GPC6: variants seen among roughly 807,000 people sequenced by gnomAD.
GPC6 encodes glypican 6.
Under a neutral mutation model 55.2 loss-of-function variants are expected in GPC6, and 14 were observed. That is an observed-to-expected ratio of 0.25 (90% CI 0.17 to 0.40). The LOEUF is 0.40. Among genes scored for constraint, GPC6 ranks in the 10% least tolerant of loss-of-function variants. The pLI, the probability that GPC6 is intolerant of heterozygous loss-of-function variation, is 1.00. For missense variants in GPC6, 641 were observed against 708.5 expected (o/e 0.90, Z 1.08); for synonymous variants, 278 against 259.6 (o/e 1.07, Z -0.68).
At chr13:93,993,310 T>G (rs1881394944) in intron 3 of GPC6, among the ~76,000 whole-genome samples, 1 of 151,098 alleles carries the variant, frequency 6.6e-6, no homozygotes, top group Non-Finnish European at 1.5e-5. Flanking sequence ...TTTTTTTTTT[T>G]GAAATGGAGT....
intron 2 of GPC6, among the ~76,000 whole-genome samples, chr13:93,617,061 C>A (rs150735671): frequency 2.8e-4 from 43 of 151,988 alleles, no homozygotes; most frequent in African/African-American, 8.7e-4. Flanking sequence ...GAAAGGCATG[C>A]CAGAATTAAA....
chr13:93,687,277 A>AT (rs1430486317), intron 2 of GPC6, among the ~76,000 whole-genome samples: 61 of 152,228 alleles, frequency 4.0e-4, no homozygotes, highest in African/African-American at 1.4e-3. Context: ...TGAAGCCTTT[A>AT]TCCTATATTC....
intron 1 of GPC6, among the ~76,000 whole-genome samples, chr13:93,297,582 G>A (rs1420811269): frequency 6.6e-6 from 1 of 152,136 alleles, no homozygotes; most frequent in Non-Finnish European, 1.5e-5. Context: ...AGTGAGTAGT[G>A]AGTGCACCAC....
At chr13:93,784,405 CAG>C (rs1885759055) in intron 2 of GPC6, among the ~76,000 whole-genome samples, 1 of 152,120 alleles carries the variant, frequency 6.6e-6, no homozygotes, top group Non-Finnish European at 1.5e-5. Context: ...CCTGAGCAAA[CAG>C]AGATGTAGGG....
intron 1 of GPC6, among the ~76,000 whole-genome samples, chr13:93,291,693 A>G (rs1030888537): frequency 2.0e-5 from 3 of 152,090 alleles, no homozygotes; most frequent in African/African-American, 7.2e-5. Context: ...TATAATTCCT[A>G]TAGCAATCAT....
At chr13:93,243,508 A>G (rs1257514130) in intron 1 of GPC6, among the ~76,000 whole-genome samples, 1 of 152,148 alleles carries the variant, frequency 6.6e-6, no homozygotes, top group East Asian at 1.9e-4. Flanking sequence ...GACAAGTGAT[A>G]TGGGTGGAGC....
intron 4 of GPC6, among the ~76,000 whole-genome samples, chr13:94,096,130 G>T (rs919859798): frequency 1.3e-5 from 2 of 152,212 alleles, no homozygotes; most frequent in East Asian, 3.9e-4. Flanking sequence ...AGTTTTAATA[G>T]AACAGAAATG....
intron 2 of GPC6, among the ~76,000 whole-genome samples, chr13:93,711,501 T>C (rs1187261396): frequency 6.6e-6 from 1 of 151,724 alleles, no homozygotes; most frequent in Non-Finnish European, 1.5e-5. Flanking sequence ...AGCCAAACCA[T>C]AGCACATTCA....
At chr13:93,763,047 A>G (rs999988752) in intron 2 of GPC6, among the ~76,000 whole-genome samples, 3 of 152,230 alleles carry the variant, frequency 2.0e-5, no homozygotes, top group African/African-American at 7.2e-5. Flanking sequence ...CTTGACTGGA[A>G]CTAAGACAGT....
intron 7 of GPC6, among the ~76,000 whole-genome samples, chr13:94,391,459 G>A (rs1386063438): frequency 6.6e-6 from 1 of 152,086 alleles, no homozygotes; most frequent in Admixed American, 6.6e-5. Flanking sequence ...AAGTCCCCTA[G>A]TGCCTCAGAC....
intron 4 of GPC6, among the ~76,000 whole-genome samples, chr13:94,282,461 TA>T (rs1231402461): frequency 2.6e-5 from 4 of 152,164 alleles, no homozygotes; most frequent in Admixed American, 2.0e-4. Flanking sequence ...TATCTCCCAC[TA>T]GGTCTCTCCC....
chr13:93,622,517 G>A (rs1594318846), intron 2 of GPC6, among the ~76,000 whole-genome samples: 1 of 112,372 alleles, frequency 8.9e-6, no homozygotes, highest in Admixed American at 8.7e-5. Context: ...CACCCACACA[G>A]ACTTTTCCTC....
intron 4 of GPC6, among the ~76,000 whole-genome samples, chr13:94,212,305 A>C (rs1227785318): frequency 6.6e-6 from 1 of 152,214 alleles, no homozygotes; most frequent in Admixed American, 6.5e-5. Flanking sequence ...CAGCTAAAGC[A>C]ATCAACCCCT....
At chr13:94,113,862 A>C (rs1368897847) in intron 4 of GPC6, among the ~76,000 whole-genome samples, 1 of 151,736 alleles carries the variant, frequency 6.6e-6, no homozygotes, top group Non-Finnish European at 1.5e-5. Flanking sequence ...CTCTACTAAA[A>C]AATACAAAAA....
intron 4 of GPC6, among the ~76,000 whole-genome samples, chr13:94,274,793 A>G (rs1202668221): frequency 1.3e-5 from 2 of 152,070 alleles, no homozygotes; most frequent in East Asian, 3.9e-4. Context: ...CTCTGACAGA[A>G]GCAAAAGCAG....
chr13:94,222,507 G>T (rs1442605086), intron 4 of GPC6, among the ~76,000 whole-genome samples: 1 of 152,008 alleles, frequency 6.6e-6, no homozygotes, highest in East Asian at 1.9e-4. Flanking sequence ...CTCTAGTGGG[G>T]TATTCTAATT....
At chr13:94,217,546 T>C (rs989590691) in intron 4 of GPC6, among the ~76,000 whole-genome samples, 9 of 152,142 alleles carry the variant, frequency 5.9e-5, no homozygotes, top group Non-Finnish European at 1.0e-4. Context: ...CCAGCGACAG[T>C]TGGGTGATGT....
chr13:93,565,766 A>T (rs1876070442), intron 2 of GPC6, among the ~76,000 whole-genome samples: 1 of 152,048 alleles, frequency 6.6e-6, no homozygotes, highest in African/African-American at 2.4e-5. Flanking sequence ...TACTAAAAAT[A>T]CAAAAATTAG....
At chr13:94,047,686 A>G (rs1883779242) in intron 4 of GPC6, among the ~76,000 whole-genome samples, 1 of 152,146 alleles carries the variant, frequency 6.6e-6, no homozygotes, top group African/African-American at 2.4e-5. Context: ...CAAGGTGAAA[A>G]TGGTCTTTGC....
Sources: allele counts gnomAD v4.1 joint callset (sites outside exome capture counted in the v4.1 genomes callset), GRCh38; gene constraint gnomAD v4.1.1; transcripts MANE v1.5; gene names NCBI Gene and HGNC (gene_info 2026-07-23, HGNC 2026-07-21).